The following CSMD1 variants were observed in gnomAD, a reference collection of about 807,000 sequenced individuals.
CSMD1 encodes the protein CUB and Sushi multiple domains 1.
A neutral mutation model predicts 417.5 loss-of-function variants in CSMD1; 213 were observed. The ratio of observed to expected loss-of-function variants is 0.51; its 90% confidence interval spans 0.46 to 0.57. The LOEUF (loss-of-function observed/expected upper bound fraction) is 0.57. Ranked by LOEUF, CSMD1 falls within the 20% of genes least tolerant of loss-of-function variation. The probability of loss-of-function intolerance (pLI) is 0.00; values close to 1 mark genes in which losing one functional copy is unlikely to be tolerated. For missense variants in CSMD1, 6,923 were observed against 4,529.7 expected (o/e 1.53, Z -15.17); for synonymous variants, 2,862 against 1,736.8 (o/e 1.65, Z -16.11).
chr8:4,587,276 G>C (rs2130718968), intron 2 of CSMD1, among the ~76,000 whole-genome samples: 1 of 152,198 alleles, frequency 6.6e-6, no homozygotes, highest in African/African-American at 2.4e-5. Flanking sequence ...CTGATGCATA[G>C]TTTGAAGAGC....
intron 37 of CSMD1, among the ~76,000 whole-genome samples, chr8:3,173,506 G>A (rs1277416220): frequency 1.3e-5 from 2 of 152,130 alleles, no homozygotes; most frequent in African/African-American, 4.8e-5. Context: ...GTGGGTCTTA[G>A]GAAAATTTTT....
At chr8:3,557,555 T>C (rs139355788) in intron 10 of CSMD1, among the ~76,000 whole-genome samples, 1 of 152,342 alleles carries the variant, frequency 6.6e-6, no homozygotes, top group East Asian at 1.9e-4. Context: ...CAGTGTTTCC[T>C]TTTAGAGGTG....
intron 1 of CSMD1, among the ~76,000 whole-genome samples, chr8:4,969,268 T>G (rs1380776031): frequency 6.6e-6 from 1 of 152,030 alleles, no homozygotes; most frequent in Admixed American, 6.6e-5. Context: ...AAGAATTACT[T>G]AGGCATTTTC....
chr8:4,616,185 C>A (rs1032326430), intron 2 of CSMD1, among the ~76,000 whole-genome samples: 1 of 152,080 alleles, frequency 6.6e-6, no homozygotes, highest in Non-Finnish European at 1.5e-5. Flanking sequence ...TTCAAAAATA[C>A]CTAGTTTTCT....
intron 7 of CSMD1, among the ~76,000 whole-genome samples, chr8:3,637,279 G>C (rs1009226141): frequency 3.3e-5 from 5 of 152,128 alleles, no homozygotes; most frequent in African/African-American, 9.7e-5. Context: ...TCACTTGCTA[G>C]TTGTGTATGC....
rs183120858 is a variant in CSMD1 at position 3,724,163 on chromosome 8, A to C, written c.932-15672T>G. Among the ~76,000 whole-genome samples the C allele has an allele frequency of 2.9e-3, 428 of 148,050 alleles. 3 individuals carry two copies. Among genetic ancestry groups the C allele is most frequent in the Middle Eastern group, 0.021 (6 of 290 alleles). On this transcript the variant is annotated intron_variant, in intron 6 of 69. Coordinates refer to ENST00000635120, the MANE Select transcript of CSMD1 (RefSeq NM_033225.6). The stretch of plus-strand genomic sequence containing the variant: ...CATGCCAGACGTTAAAAAGTTTTGC[A>C]AAAATAGAAAACAATGCTACCTCTT...
In CSMD1 at chr8:4,711,571, G is replaced by GA. The variant is rs1443259520; in HGVS notation, c.86-74014dup. Reference sequence around the variant, plus strand: ...TTTTCAACAAAGGACAGAGAAATTTGAAAAAAAAATATATTGGTACTAAAT... The same window carrying GA: ...TTTTCAACAAAGGACAGAGAAATTTGAAAAAAAAAATATATTGGTACTAAAT... On this transcript the variant is annotated intron_variant, in intron 1 of 69. Coordinates refer to ENST00000635120, the MANE Select transcript of CSMD1 (RefSeq NM_033225.6). Among the ~76,000 whole-genome samples the GA allele has an allele frequency of 1.7e-4, 25 of 150,364 alleles. 1 individual carries two copies. In the East Asian group the frequency reaches 2.7e-3, roughly 17 times the overall value.
chr8:3,696,117 T>C (rs538322213), intron 7 of CSMD1, among the ~76,000 whole-genome samples: 2 of 152,338 alleles, frequency 1.3e-5, no homozygotes, highest in African/African-American at 2.4e-5. Context: ...ACCTTGAATT[T>C]TCACTTGAAG....
At chr8:3,824,588 C>A (rs1161632469) in intron 5 of CSMD1, among the ~76,000 whole-genome samples, 2 of 152,192 alleles carry the variant, frequency 1.3e-5, no homozygotes, top group East Asian at 3.8e-4. Context: ...TGTGACTTCA[C>A]AGGAAAAACA....
At chr8:2,994,954 G>T (rs1223511759) in intron 54 of CSMD1, among the ~76,000 whole-genome samples, 1 of 152,066 alleles carries the variant, frequency 6.6e-6, no homozygotes, top group Non-Finnish European at 1.5e-5. Flanking sequence ...TATATCAAAT[G>T]CAAAGTGATA....
At chr8:4,586,962 G>A (rs17070691) in intron 2 of CSMD1, among the ~76,000 whole-genome samples, 1 of 152,018 alleles carries the variant, frequency 6.6e-6, no homozygotes, top group Admixed American at 6.5e-5. Flanking sequence ...GTGTAAGAGA[G>A]GTTACATCTA....
intron 2 of CSMD1, among the ~76,000 whole-genome samples, chr8:4,523,012 T>G (rs956620923): frequency 1.3e-5 from 2 of 152,134 alleles, no homozygotes; most frequent in African/African-American, 2.4e-5. Context: ...GAGTAGGGCT[T>G]GTGTTAATGA....
intron 10 of CSMD1, among the ~76,000 whole-genome samples, chr8:3,528,218 T>A (rs373774696): frequency 1.3e-5 from 2 of 152,226 alleles, no homozygotes; most frequent in East Asian, 1.9e-4. Context: ...TATTAAGTAC[T>A]GCATTTTGAA....
intron 1 of CSMD1, among the ~76,000 whole-genome samples, chr8:4,937,137 C>CA (rs1204921652): frequency 6.6e-6 from 1 of 152,148 alleles, no homozygotes; most frequent in Non-Finnish European, 1.5e-5. Context: ...TGCTTGGGCC[C>CA]AGGAGCTCAA....
chr8:3,878,312 T>C (rs1452725925), intron 5 of CSMD1, among the ~76,000 whole-genome samples: 1 of 152,190 alleles, frequency 6.6e-6, no homozygotes, highest in East Asian at 1.9e-4. Flanking sequence ...GTGTATAATA[T>C]TCTCTACACT....
intron 1 of CSMD1, among the ~76,000 whole-genome samples, chr8:4,784,276 C>G (rs570841718): frequency 1.3e-5 from 2 of 152,220 alleles, no homozygotes; most frequent in African/African-American, 4.8e-5. Context: ...TTACCTTCCT[C>G]TAGTTCTATA....
intron 2 of CSMD1, among the ~76,000 whole-genome samples, chr8:4,569,505 A>C (rs959106234): frequency 4.6e-5 from 7 of 152,038 alleles, no homozygotes; most frequent in African/African-American, 1.7e-4. Context: ...TGGTCTCTAT[A>C]TCTGTTTTGG....
intron 5 of CSMD1, among the ~76,000 whole-genome samples, chr8:3,796,872 C>G (rs929701746): frequency 6.6e-6 from 1 of 151,378 alleles, no homozygotes; most frequent in East Asian, 1.9e-4. Context: ...ATTGTTTCTA[C>G]AAAAATGGAA....
chr8:3,419,029 G>C (rs1553181), intron 12 of CSMD1, among the ~76,000 whole-genome samples: 1 of 151,954 alleles, frequency 6.6e-6, no homozygotes, highest in African/African-American at 2.4e-5. Context: ...CATTATACTC[G>C]AGGCATACAA....
Sources: allele counts gnomAD v4.1 joint callset (sites outside exome capture counted in the v4.1 genomes callset), GRCh38; gene constraint gnomAD v4.1.1; transcripts MANE v1.5; gene names NCBI Gene and HGNC (gene_info 2026-07-23, HGNC 2026-07-21).